UGT1A6: variants seen among roughly 807,000 people sequenced by gnomAD.
The protein encoded by UGT1A6 is UDP glucuronosyltransferase family 1 member A6, also known as UDP-glucuronosyltransferase 1A6.
In UGT1A6, 32 loss-of-function variants were observed where a neutral mutation model predicts 44.4. The observed-to-expected ratio is 0.72, with a 90% CI of 0.54 to 0.97. UGT1A6 has a LOEUF of 0.97. Ranked by LOEUF, UGT1A6 falls within the 50% of genes least tolerant of loss-of-function variation. UGT1A6 has a pLI of 0.00. For missense variants in UGT1A6, 685 were observed against 661.9 expected, an observed-to-expected ratio of 1.03 and a Z score of -0.38; for synonymous variants, 238 against 248.5, an observed-to-expected ratio of 0.96 and a Z score of 0.40.
upstream of UGT1A6, chr2:233,692,407 AT>A (rs1286270347): frequency 6.4e-6 from 1 of 155,608 alleles, no homozygotes; most frequent in Non-Finnish European, 1.4e-5. Context: ...TGAACCTCTG[AT>A]TTTTGCCAAG....
At chr2:233,729,252 CA>C (rs761976281) in intron 1 of UGT1A6, 199 of 1,614,124 alleles carry the variant, frequency 1.2e-4, no homozygotes, top group Non-Finnish European at 1.6e-4. Context: ...GCCACTGGCT[CA>C]GCATGCGGGA....
chr2:233,698,964 G>A (rs996769646), intron 1 of UGT1A6, among the ~76,000 whole-genome samples: 3 of 152,212 alleles, frequency 2.0e-5, no homozygotes, highest in Non-Finnish European at 4.4e-5. Context: ...GGCCCTTGGG[G>A]AAGCCCTTTG....
intron 1 of UGT1A6, among the ~76,000 whole-genome samples, chr2:233,721,093 C>G (rs2076921307): frequency 6.6e-6 from 1 of 151,954 alleles, no homozygotes; most frequent in Admixed American, 6.6e-5. Flanking sequence ...GAGTTTAGGT[C>G]CTTTGTATTC....
At chr2:233,727,747 T>A (rs1157113585) in intron 1 of UGT1A6, among the ~76,000 whole-genome samples, 1 of 152,214 alleles carries the variant, frequency 6.6e-6, no homozygotes, top group Non-Finnish European at 1.5e-5. Flanking sequence ...ATCCTGCGTG[T>A]GCTGCCCTTG....
At chr2:233,719,382 C>G in intron 1 of UGT1A6, 2 of 1,613,952 alleles carry the variant, frequency 1.2e-6, no homozygotes, top group Middle Eastern at 1.7e-4. Flanking sequence ...CACACAGTGT[C>G]CAAATCCTTC....
Position 233,772,397 on chromosome 2 carries a change from C to A in UGT1A6, c.1437C>A (p.Asp479Glu). Residue 479 changes from aspartate (D) to glutamate (E), a missense_variant, in exon 5 of 5, where the codon GAC becomes GAA. By Grantham distance (45) the Asp-to-Glu change is conservative. Coordinates refer to ENST00000305139, the MANE Select transcript of UGT1A6 (RefSeq NM_001072.4). ...GAPHLRPAAH[D>E]LTWYQYHSLD... The stretch of plus-strand genomic sequence containing the variant: ...CACACCTGCGCCCCGCAGCCCACGA[C>A]CTCACCTGGTACCAGTACCATTCCT... The A allele has an allele frequency of 6.2e-7, 1 of 1,614,254 alleles. No individual in the cohort carries two copies. The highest frequency in any genetic ancestry group is 8.5e-7 in the Non-Finnish European group (1 of 1,180,050).
At position 233,719,037 on chromosome 2, in the gene UGT1A6, A is replaced by G. The variant is rs1297848565; in HGVS notation, c.861+25172A>G. ...GGTGAATATGCACATCAAAGAAGAGAAATTTTTCACCCTGACAGCCTATGC... is the reference window on the plus strand; with the variant it reads ...GGTGAATATGCACATCAAAGAAGAGGAATTTTTCACCCTGACAGCCTATGC... On this transcript the variant is annotated intron_variant, in intron 1 of 4. Coordinates refer to ENST00000305139, the MANE Select transcript of UGT1A6 (RefSeq NM_001072.4). The G allele has an allele frequency of 1.1e-5, 18 of 1,614,238 alleles. No individual in the cohort carries two copies. The South Asian group carries it at 2.0e-4, about 18-fold the overall frequency.
chr2:233,760,647 T>G (rs1697515072), intron 1 of UGT1A6: 1 of 1,614,134 alleles, frequency 6.2e-7, no homozygotes, highest in African/African-American at 1.3e-5. Context: ...AAAAGGACTC[T>G]GCTATGCTTT....
Position 233,772,319 on chromosome 2 carries a change from GCT to G in UGT1A6, c.1360_1361del (p.Leu454GlyfsTer53). ...TTCACAAGGACCGCCCGGTGGAGCC[GCT>G]GGACCTGGCCGTGTTCTGGGTGGAG... ...SLHKDRPVEP[L>X]DLAVFWVEFV... On this transcript the variant is annotated frameshift_variant, in exon 5 of 5. Coordinates refer to ENST00000305139, the MANE Select transcript of UGT1A6 (RefSeq NM_001072.4). LOFTEE classifies it high-confidence loss of function. 1 of 1,614,164 alleles carries G rather than the reference GCT, an allele frequency of 6.2e-7. No homozygotes were observed. Among genetic ancestry groups the G allele is most frequent in the Non-Finnish European group, 8.5e-7 (1 of 1,180,030 alleles).
chr2:233,717,649 C>A, intron 1 of UGT1A6: 2 of 403,236 alleles, frequency 5.0e-6, no homozygotes, highest in South Asian at 3.6e-5. Flanking sequence ...GCGACCAGGA[C>A]AAGGAAGCAT....
chr2:233,711,861 T>C (rs1383080586), intron 1 of UGT1A6, among the ~76,000 whole-genome samples: 1 of 152,212 alleles, frequency 6.6e-6, no homozygotes, highest in Non-Finnish European at 1.5e-5. Flanking sequence ...AGCACAAGTA[T>C]GAGTGACTTT....
chr2:233,722,502 G>A (rs773612729), intron 1 of UGT1A6, among the ~76,000 whole-genome samples: 5 of 152,056 alleles, frequency 3.3e-5, no homozygotes, highest in African/African-American at 9.7e-5. Context: ...TTTCCGTTTC[G>A]TTAATTGCAG....
intron 1 of UGT1A6, among the ~76,000 whole-genome samples, chr2:233,726,709 G>T (rs2077553712): frequency 6.6e-6 from 1 of 152,172 alleles, no homozygotes; most frequent in African/African-American, 2.4e-5. Context: ...TCCCAGGTTT[G>T]AGGAAGTACA....
In UGT1A6 at chr2:233,772,754, T is replaced by G; in HGVS notation, c.*195T>G. ...GCTAGTCAGTAAAGATATTTGAATA[T>G]GTATCGTGCCCCCTCTGGTGTCTTT... On this transcript the variant is annotated 3_prime_UTR_variant, in exon 5 of 5. Transcript: ENST00000305139. 1 of 1,409,478 alleles carries G rather than the reference T, an allele frequency of 7.1e-7. No homozygotes were observed. Among genetic ancestry groups the G allele is most frequent in the South Asian group, 1.5e-5 (1 of 66,636 alleles). 87.3% of individuals were successfully genotyped at this position (1,409,478 alleles called of 1,614,324 possible). A position where few individuals can be genotyped will look rare whatever the true frequency, so the allele number is the denominator to read the frequency against.
chr2:233,717,710 C>A, intron 1 of UGT1A6: 2 of 452,848 alleles, frequency 4.4e-6, no homozygotes, highest in Non-Finnish European at 8.9e-6. Context: ...CAGGACGAGC[C>A]TCATGGGCAT....
Position 233,743,334 on chromosome 2 carries a change from A to G in UGT1A6, c.862-23700A>G, listed in dbSNP as rs568503727. Reference sequence around the variant, plus strand: ...TGATTTTTTTACCATCAACTATTTCAGTGGAAGTCGACATGGACTTGAAGC... The same window carrying G: ...TGATTTTTTTACCATCAACTATTTCGGTGGAAGTCGACATGGACTTGAAGC... On this transcript the variant is annotated intron_variant, in intron 1 of 4. Transcript: ENST00000305139. The G allele has an allele frequency of 4.6e-5, 36 of 779,716 alleles. 1 individual carries two copies. The highest frequency in any genetic ancestry group is 6.6e-5 in the Non-Finnish European group (34 of 513,604). The allele number at this position is 779,716 out of a possible 1,614,324, so 48.3% of individuals were successfully genotyped here.
intron 1 of UGT1A6, among the ~76,000 whole-genome samples, chr2:233,727,353 T>A (rs2077608384): frequency 6.6e-6 from 1 of 152,150 alleles, no homozygotes; most frequent in Non-Finnish European, 1.5e-5. Flanking sequence ...AGTTCTGCTA[T>A]CCTTAGGGCC....
chr2:233,759,167 C>T (rs1180599090), intron 1 of UGT1A6, among the ~76,000 whole-genome samples: 1 of 152,178 alleles, frequency 6.6e-6, no homozygotes, highest in African/African-American at 2.4e-5. Flanking sequence ...ACAAGGCAGG[C>T]AGGTTTCACG....
chr2:233,748,177 G>A, intron 1 of UGT1A6: 1 of 1,581,678 alleles, frequency 6.3e-7, no homozygotes, highest in Middle Eastern at 2.3e-4. Context: ...TTATCTTTCT[G>A]GTGCTTTTAT....
Sources: allele counts gnomAD v4.1 joint callset (sites outside exome capture counted in the v4.1 genomes callset), GRCh38; gene constraint gnomAD v4.1.1; transcripts MANE v1.5; gene names NCBI Gene and HGNC (gene_info 2026-07-23, HGNC 2026-07-21).